Variants in FABP12 observed in about 807,000 individuals in gnomAD.
The protein encoded by FABP12 is fatty acid binding protein 12.
FABP12 carries 19 observed loss-of-function variants against 13.7 expected under a neutral mutation model. The observed-to-expected ratio is 1.39, with a 90% CI of 0.97 to 2.04. FABP12 has a LOEUF of 2.04. FABP12 is among the 30% of genes most tolerant of loss of function. The probability of loss-of-function intolerance (pLI) is 0.00; values close to 1 mark genes in which losing one functional copy is unlikely to be tolerated. For synonymous variants in FABP12, 61 were observed against 57.0 expected, an observed-to-expected ratio of 1.07 and a Z score of -0.32; for missense variants, 182 against 164.2, an observed-to-expected ratio of 1.11 and a Z score of -0.59.
intron 1 of FABP12, among the ~76,000 whole-genome samples, chr8:81,542,276 T>G (rs1809363299): frequency 6.6e-6 from 1 of 152,114 alleles, no homozygotes; most frequent in African/African-American, 2.4e-5. Context: ...GAGAACTTAC[T>G]CCTTAAAAAT....
intron 1 of FABP12, among the ~76,000 whole-genome samples, chr8:81,555,370 T>C (rs1275074129): frequency 7.2e-5 from 11 of 152,228 alleles, no homozygotes; most frequent in Admixed American, 7.2e-4. Context: ...TCCTAGAGTT[T>C]AGAAAATCTA....
chr8:81,578,427 A>T (rs1297728706), intron 1 of FABP12, among the ~76,000 whole-genome samples: 1 of 152,048 alleles, frequency 6.6e-6, no homozygotes, highest in Non-Finnish European at 1.5e-5. Context: ...AGTCACTGCT[A>T]TGTATACAGA....
intron 1 of FABP12, among the ~76,000 whole-genome samples, chr8:81,568,066 T>C (rs1809860996): frequency 6.7e-6 from 1 of 149,226 alleles, no homozygotes; most frequent in African/African-American, 2.5e-5. Context: ...GAGCTTGCAG[T>C]GAGCCGAGAT....
At chr8:81,539,186 T>G (rs1340045334) in intron 2 of FABP12, among the ~76,000 whole-genome samples, 1 of 152,144 alleles carries the variant, frequency 6.6e-6, no homozygotes, top group Non-Finnish European at 1.5e-5. Flanking sequence ...TTTTATTATG[T>G]AAAATGCCAT....
At chr8:81,560,121 T>C (rs548878343) in intron 1 of FABP12, among the ~76,000 whole-genome samples, 162 of 152,324 alleles carry the variant, frequency 1.1e-3, no homozygotes, top group African/African-American at 3.7e-3. Flanking sequence ...TCAGCTATAT[T>C]TACATATGGC....
At chr8:81,543,075 C>T (rs969516223) in intron 1 of FABP12, among the ~76,000 whole-genome samples, 1 of 152,136 alleles carries the variant, frequency 6.6e-6, no homozygotes, top group African/African-American at 2.4e-5. Flanking sequence ...AATTTAGGAC[C>T]TTTAAGCTTA....
At chr8:81,547,589 C>T (rs1465383841) in intron 1 of FABP12, among the ~76,000 whole-genome samples, 3 of 152,228 alleles carry the variant, frequency 2.0e-5, no homozygotes, top group East Asian at 3.8e-4. Flanking sequence ...TATCTCTTCC[C>T]TGGAGTGGGA....
rs1809150559 is a variant in FABP12 at position 81,533,791 on chromosome 8, C to T, written c.-76+11G>A. 6.6e-6 allele frequency among the ~76,000 whole-genome samples: 1 copy of T among 152,160 alleles called. No homozygotes were observed. Among genetic ancestry groups the T allele is most frequent in the South Asian group, 2.1e-4 (1 of 4,828 alleles). ...GACATGGGGATCTGCACCACCTGCT[C>T]ATGCAGTTACCTTAGGACTTCTGGT... On this transcript the variant is annotated intron_variant, in intron 1 of 4. Transcript: ENST00000360464.
At chr8:81,571,592 T>A (rs1585856331) in intron 1 of FABP12, among the ~76,000 whole-genome samples, 2 of 152,362 alleles carry the variant, frequency 1.3e-5, no homozygotes, top group South Asian at 4.1e-4. Flanking sequence ...ATTCCCTTTT[T>A]ATAGACGAAG....
chr8:81,545,707 G>T (rs543991933), intron 1 of FABP12, among the ~76,000 whole-genome samples: 1 of 152,036 alleles, frequency 6.6e-6, no homozygotes, highest in South Asian at 2.1e-4. Flanking sequence ...TAATTACTTC[G>T]AAAACTGGTT....
intron 1 of FABP12, among the ~76,000 whole-genome samples, chr8:81,552,031 G>A (rs546131020): frequency 2.0e-5 from 3 of 152,236 alleles, no homozygotes; most frequent in South Asian, 4.2e-4. Context: ...TTGGACCACA[G>A]ACTAGCAAAC....
At chr8:81,534,866 C>G (rs1046541651), upstream of FABP12, among the ~76,000 whole-genome samples, 2 of 150,560 alleles carry the variant, frequency 1.3e-5, no homozygotes, top group African/African-American at 4.9e-5. Context: ...ATCACTTGAA[C>G]CTGGGAGGTT....
At chr8:81,570,428 A>C (rs1435562981) in intron 1 of FABP12, among the ~76,000 whole-genome samples, 1 of 152,242 alleles carries the variant, frequency 6.6e-6, no homozygotes, top group African/African-American at 2.4e-5. Flanking sequence ...CAAGACAAAG[A>C]GGAGCTTTAC....
chr8:81,543,731 A>G (rs1809390384), intron 1 of FABP12, among the ~76,000 whole-genome samples: 1 of 152,188 alleles, frequency 6.6e-6, no homozygotes, highest in Non-Finnish European at 1.5e-5. Flanking sequence ...TTTTTCAATA[A>G]TTTCAATTTA....
At chr8:81,586,917 T>C (rs896563529) in intron 1 of FABP12, among the ~76,000 whole-genome samples, 2 of 152,222 alleles carry the variant, frequency 1.3e-5, no homozygotes, top group African/African-American at 4.8e-5. Context: ...TGGATTTTTA[T>C]CGTTTTGGGT....
chr8:81,582,118 A>ATT (rs34960860), intron 1 of FABP12, among the ~76,000 whole-genome samples: 63,166 of 96,428 alleles, frequency 0.66, 21,882 homozygotes, highest in Non-Finnish European at 0.7. Flanking sequence ...GCTAACTGGA[A>ATT]TTTTTTTTTT....
In FABP12 at chr8:81,580,523, G is replaced by C. The variant is rs1810139848; in HGVS notation, c.-185+9530C>G. 2.0e-5 allele frequency among the ~76,000 whole-genome samples: 3 copies of C among 151,182 alleles called. No individual in the cohort carries two copies. In the South Asian group the frequency reaches 6.3e-4, roughly 32 times the overall value. ...TTATCATTTCTACACAGGGTAAACAGACATTCAATATGTTGGTAAAAATAT... is the reference window on the plus strand; with the variant it reads ...TTATCATTTCTACACAGGGTAAACACACATTCAATATGTTGGTAAAAATAT... On this transcript the variant is annotated intron_variant, in intron 1 of 5. Coordinates refer to the FABP12 transcript ENST00000692030.
At chr8:81,581,197 A>G (rs1236364408) in intron 1 of FABP12, among the ~76,000 whole-genome samples, 1 of 152,112 alleles carries the variant, frequency 6.6e-6, no homozygotes, top group Non-Finnish European at 1.5e-5. Flanking sequence ...GGCAGAGCCC[A>G]CTCTTAAAGG....
At chr8:81,560,770 C>T (rs999525246) in intron 1 of FABP12, among the ~76,000 whole-genome samples, 2 of 152,178 alleles carry the variant, frequency 1.3e-5, no homozygotes, top group Non-Finnish European at 2.9e-5. Flanking sequence ...TTGAGTTCCC[C>T]CAGGAGCACA....
Sources: allele counts gnomAD v4.1 joint callset (sites outside exome capture counted in the v4.1 genomes callset), GRCh38; gene constraint gnomAD v4.1.1; transcripts MANE v1.5; gene names NCBI Gene and HGNC (gene_info 2026-07-23, HGNC 2026-07-21).